Variants in UGT1A10 observed in about 807,000 individuals in gnomAD.
UGT1A10 encodes UDP-glucuronosyltransferase 1A10.
Under a neutral mutation model 45.8 loss-of-function variants are expected in UGT1A10, and 49 were observed. The observed-to-expected ratio is 1.07, with a 90% CI of 0.85 to 1.36. The LOEUF (loss-of-function observed/expected upper bound fraction) is 1.36, where lower values mean the gene tolerates loss of function less well. Among genes scored for constraint, UGT1A10 ranks in the 40% most tolerant of loss-of-function variants. The pLI, the probability that UGT1A10 is intolerant of heterozygous loss-of-function variation, is 0.00. For missense variants in UGT1A10, 745 were observed against 668.6 expected, an observed-to-expected ratio of 1.11 and a Z score of -1.26; for synonymous variants, 284 against 249.7, an observed-to-expected ratio of 1.14 and a Z score of -1.29.
chr2:233,699,369 C>T (rs2075501600), intron 1 of UGT1A10, among the ~76,000 whole-genome samples: 1 of 152,102 alleles, frequency 6.6e-6, no homozygotes, highest in African/African-American at 2.4e-5. Context: ...ATTGGTATGG[C>T]TAGATTTCAA....
In UGT1A10 at chr2:233,768,367, T is replaced by C; in HGVS notation, c.1223T>C (p.Val408Ala). 6.2e-7 allele frequency: 1 copy of C among 1,614,082 alleles called. No individual in the cohort carries two copies. The highest frequency in any genetic ancestry group is 8.5e-7 in the Non-Finnish European group (1 of 1,180,022). The change falls in exon 4 of 5, where the codon GTG (valine) becomes GCG (alanine). Residue 408 changes from valine to alanine, a missense_variant. Val to Ala is a moderately conservative substitution (Grantham distance 64). Transcript: ENST00000344644. The stretch of plus-strand genomic sequence containing the variant: ...CGCATGGAGACTAAGGGAGCTGGAG[T>C]GACCCTGAATGTTCTGGAAATGACT... ...AKRMETKGAG[V>A]TLNVLEMTSE...
At chr2:233,700,539 G>A (rs1353937482) in intron 1 of UGT1A10, among the ~76,000 whole-genome samples, 1 of 152,120 alleles carries the variant, frequency 6.6e-6, no homozygotes, top group East Asian at 1.9e-4. Flanking sequence ...CTAGGAGAAT[G>A]AGAATAAGGG....
Position 233,682,597 on chromosome 2 carries a change from C to T in UGT1A10, c.855+45220C>T, listed in dbSNP as rs45462096. ...TGCACTTGGAGGAACATTTATTTTG[C>T]CCCTATTTTTTCAAAAATGTCTTAG... On this transcript the variant is annotated intron_variant, in intron 1 of 4. Coordinates refer to ENST00000344644, the MANE Select transcript of UGT1A10 (RefSeq NM_019075.4). The T allele has an allele frequency of 3.4e-4, 547 of 1,613,874 alleles. 4 individuals are homozygous for T. Among genetic ancestry groups the T allele is most frequent in the East Asian group, 9.8e-4 (44 of 44,876 alleles).
rs1384455680 is a variant in UGT1A10, at chr2:233,701,870, TA to T, written c.855+64496del. 2.0e-5 allele frequency among the ~76,000 whole-genome samples: 3 copies of T among 152,182 alleles called. No homozygotes were observed. The East Asian group carries it at 5.8e-4, about 29-fold the overall frequency. ...GTGTGTAGAGGGAAATTTATAGCAC[TA>T]AATGCCCACAAGAGAAAGCAGAAAA... On this transcript the variant is annotated intron_variant, in intron 1 of 4. Coordinates refer to ENST00000344644, the MANE Select transcript of UGT1A10 (RefSeq NM_019075.4).
intron 1 of UGT1A10, among the ~76,000 whole-genome samples, chr2:233,675,695 A>T (rs2074331379): frequency 6.6e-6 from 1 of 152,178 alleles, no homozygotes; most frequent in Non-Finnish European, 1.5e-5. Flanking sequence ...CCACTTATCC[A>T]TTCTTAGGTT....
chr2:233,754,783 A>T (rs1413536581), intron 1 of UGT1A10: 1 of 1,152,612 alleles, frequency 8.7e-7, no homozygotes, highest in Admixed American at 2.2e-5. Context: ...GAGCCAAAGG[A>T]ACGAAATCCT....
At chr2:233,671,453 TAGG>T (rs2074188782) in intron 1 of UGT1A10, among the ~76,000 whole-genome samples, 1 of 152,142 alleles carries the variant, frequency 6.6e-6, no homozygotes, top group Non-Finnish European at 1.5e-5. Flanking sequence ...TTTAGGAGGT[TAGG>T]AGGTCAGTGC....
At position 233,750,642 on chromosome 2, in the gene UGT1A10, C is replaced by G. The variant is rs1227116452; in HGVS notation, c.856-16392C>G. 2.7e-5 allele frequency: 4 copies of G among 149,396 alleles called. 1 individual carries two copies. The highest frequency in any genetic ancestry group is 1.0e-4 in the African/African-American group (4 of 38,716). 9.3% of individuals were successfully genotyped at this position (149,396 alleles called of 1,614,324 possible). On this transcript the variant is annotated intron_variant, in intron 1 of 4. Transcript: ENST00000344644. ...GGGTCCATGCTCCCCCTGCTGTGTGCAGCCTCAGGACTTGGTGCCCTGTGT... is the reference window on the plus strand; with the variant it reads ...GGGTCCATGCTCCCCCTGCTGTGTGGAGCCTCAGGACTTGGTGCCCTGTGT...
intron 1 of UGT1A10, among the ~76,000 whole-genome samples, chr2:233,653,620 A>G (rs1482154430): frequency 1.3e-5 from 2 of 152,174 alleles, no homozygotes; most frequent in African/African-American, 4.8e-5. Context: ...TTTTTGAGAC[A>G]GAGTCTCGCT....
intron 1 of UGT1A10, among the ~76,000 whole-genome samples, chr2:233,732,156 ATTTG>A: frequency 6.6e-6 from 1 of 152,010 alleles, no homozygotes; most frequent in Non-Finnish European, 1.5e-5. Context: ...TTTCTTGTAA[ATTTG>A]TTTGAGTTCT....
chr2:233,682,173 C>T lies in UGT1A10; in HGVS notation c.855+44796C>T, dbSNP rs2074561075. 1.1e-5 allele frequency: 18 copies of T among 1,614,200 alleles called. No homozygotes were observed. The East Asian group carries it at 4.0e-4, about 36-fold the overall frequency. ...AATTGCACAGTGAAGACTTACTCAACCTCATACACTCTGGAGGATCAGGAC... is the reference window on the plus strand; with the variant it reads ...AATTGCACAGTGAAGACTTACTCAATCTCATACACTCTGGAGGATCAGGAC... On this transcript the variant is annotated intron_variant, in intron 1 of 4. Coordinates refer to ENST00000344644, the MANE Select transcript of UGT1A10 (RefSeq NM_019075.4).
At chr2:233,682,309 C>T in intron 1 of UGT1A10, 1 of 1,614,034 alleles carries the variant, frequency 6.2e-7, no homozygotes. Flanking sequence ...TTTCAAATTG[C>T]AGGAGTTTGT....
rs1373698979 is a variant in UGT1A10, at chr2:233,678,539, A to T, written c.855+41162A>T. 2.6e-5 allele frequency among the ~76,000 whole-genome samples: 4 copies of T among 152,308 alleles called. No homozygotes were observed. The East Asian group carries it at 7.7e-4, about 29-fold the overall frequency. ...CTGTCTGTTTTTTTCTCTTTGATGT[A>T]TTTAAAAATGCTTTTATACAGTACT... On this transcript the variant is annotated intron_variant, in intron 1 of 4. Transcript: ENST00000344644.
intron 1 of UGT1A10, among the ~76,000 whole-genome samples, chr2:233,664,516 G>A (rs934240102): frequency 6.6e-6 from 1 of 152,178 alleles, no homozygotes; most frequent in African/African-American, 2.4e-5. Flanking sequence ...GCATGGCGCT[G>A]CCATCTGTTC....
chr2:233,706,918 G>A (rs921108992), intron 1 of UGT1A10, among the ~76,000 whole-genome samples: 4 of 152,304 alleles, frequency 2.6e-5, no homozygotes, highest in Admixed American at 1.3e-4. Context: ...AGCTGCCAGA[G>A]TATGAGTCTG....
At chr2:233,741,008 GC>G (rs1212205801) in intron 1 of UGT1A10, 3 of 151,722 alleles carry the variant, frequency 2.0e-5, no homozygotes, top group Admixed American at 6.6e-5. Flanking sequence ...GATCACTTGA[GC>G]CCAGGAATTC....
intron 1 of UGT1A10, chr2:233,648,285 T>A: frequency 3.3e-6 from 2 of 612,092 alleles, no homozygotes; most frequent in Admixed American, 4.5e-5. Context: ...ATCCTTTAGA[T>A]ATGTGTGGCT....
Position 233,725,179 on chromosome 2 carries a change from GAGAGGCAGAGGCAGAGGC to G in UGT1A10, c.856-41831_856-41814del, listed in dbSNP as rs879478240. ...CTCTGCATGAGAGGGAGACCGTGGG[GAGAGGCAGAGGCAGAGGC>G]AGAGGCAGAGGCAGAGGCAGAGGAG... On this transcript the variant is annotated intron_variant, in intron 1 of 4. Coordinates refer to ENST00000344644, the MANE Select transcript of UGT1A10 (RefSeq NM_019075.4). 4.4e-5 allele frequency among the ~76,000 whole-genome samples: 3 copies of G among 67,606 alleles called. 1 individual carries two copies. The highest frequency in any genetic ancestry group is 1.5e-4 in the Admixed American group (1 of 6,876). The allele number at this position is 67,606 out of a possible 152,430, so 44.4% of individuals were successfully genotyped here.
At chr2:233,744,065 G>A in intron 1 of UGT1A10, 1 of 544,540 alleles carries the variant, frequency 1.8e-6, no homozygotes. Flanking sequence ...CGAGGCCTAT[G>A]AGCGCCTCGC....
Sources: allele counts gnomAD v4.1 joint callset (sites outside exome capture counted in the v4.1 genomes callset), GRCh38; gene constraint gnomAD v4.1.1; transcripts MANE v1.5; gene names NCBI Gene and HGNC (gene_info 2026-07-23, HGNC 2026-07-21).